The following ENG variants were observed in gnomAD, a reference collection of about 807,000 sequenced individuals.
The protein encoded by ENG is endoglin.
Under a neutral mutation model 71.0 loss-of-function variants are expected in ENG, and 17 were observed. The ratio of observed to expected loss-of-function variants is 0.24; its 90% CI spans 0.16 to 0.36. The LOEUF (loss-of-function observed/expected upper bound fraction) is 0.36. ENG is among the 10% of genes least tolerant of loss of function. ENG has a pLI of 1.00. For synonymous variants in ENG, 360 were observed against 366.9 expected (o/e 0.98, Z 0.21); for missense variants, 749 against 868.3 (o/e 0.86, Z 1.73).
chr9:127,834,981 T>C (rs756387283), intron 2 of ENG, among the ~76,000 whole-genome samples: 5 of 151,828 alleles, frequency 3.3e-5, no homozygotes, highest in South Asian at 4.1e-4. Flanking sequence ...GTTTCATCAG[T>C]TTTGAATAAA....
chr9:127,839,010 AAAAGCC>A (rs1830967629), intron 2 of ENG, among the ~76,000 whole-genome samples: 1 of 152,102 alleles, frequency 6.6e-6, no homozygotes, highest in Non-Finnish European at 1.5e-5. Flanking sequence ...GCTGGCTGCT[AAAAGCC>A]ACCACCCCCA....
chr9:127,833,422 G>A (rs546577985), intron 2 of ENG, among the ~76,000 whole-genome samples: 2 of 151,304 alleles, frequency 1.3e-5, no homozygotes, highest in South Asian at 4.2e-4. Flanking sequence ...TCGGGAGGCT[G>A]AGGCAGGAGA....
intron 8 of ENG, among the ~76,000 whole-genome samples, chr9:127,822,804 TAA>T (rs891996431): frequency 6.6e-6 from 1 of 152,182 alleles, no homozygotes; most frequent in Non-Finnish European, 1.5e-5. Flanking sequence ...GTCAGAAGGT[TAA>T]GATTTTCTAA....
intron 3 of ENG, among the ~76,000 whole-genome samples, chr9:127,828,483 C>G (rs927525878): frequency 6.6e-6 from 1 of 152,172 alleles, no homozygotes; most frequent in Non-Finnish European, 1.5e-5. Flanking sequence ...GCGGCGCGGC[C>G]GAGGCCAGAG....
rs976081447 is a variant in ENG at position 127,824,155 on chromosome 9, A to G, written c.1134+149T>C. ...TTCTCACCACGTGGTAGGTACCATT[A>G]TCAATTCCATTATACAAGTGGGAAA... On this transcript the variant is annotated intron_variant, in intron 8 of 14. Transcript: ENST00000373203. 20 of 1,116,792 alleles carry G rather than the reference A, an allele frequency of 1.8e-5. No individual in the cohort carries two copies. The African/African-American group carries it at 2.8e-4, about 15-fold the overall frequency. 69.2% of individuals were successfully genotyped at this position (1,116,792 alleles called of 1,614,324 possible).
intron 1 of ENG, among the ~76,000 whole-genome samples, chr9:127,845,141 G>A (rs939357441): frequency 4.6e-5 from 7 of 152,222 alleles, no homozygotes; most frequent in African/African-American, 1.2e-4. Context: ...ATCTTGTCGC[G>A]CTCACTTCCT....
At chr9:127,837,237 G>C (rs1362984560) in intron 2 of ENG, among the ~76,000 whole-genome samples, 2 of 152,080 alleles carry the variant, frequency 1.3e-5, no homozygotes, top group African/African-American at 2.4e-5. Flanking sequence ...GCCTCGCTGT[G>C]GCATCCTATC....
At chr9:127,818,922 G>A in intron 10 of ENG, 90 bp from the exon 11 acceptor site, 1 of 1,113,810 alleles carries the variant, frequency 9.0e-7, no homozygotes. Context: ...TCATGGCCCT[G>A]TGGAGTTGCC....
intron 8 of ENG, among the ~76,000 whole-genome samples, chr9:127,822,043 G>A (rs1048541853): frequency 2.0e-5 from 3 of 151,328 alleles, no homozygotes; most frequent in Non-Finnish European, 2.9e-5. Context: ...GAGCAAGACT[G>A]TCTCAAAGAA....
At position 127,817,833 on chromosome 9, in the gene ENG, G is replaced by A. The variant is rs1830366090; in HGVS notation, c.1686+287C>T. On this transcript the variant is annotated intron_variant, in intron 12 of 14. Transcript: ENST00000373203. ...GGGTGGTTAGATTCCTGGGTGGGAG[G>A]GTGGATGGATGGATGGACGGACGGG... 21 of 548,472 alleles carry A rather than the reference G, an allele frequency of 3.8e-5. 1 individual carries two copies. The South Asian group carries it at 4.3e-4, about 11-fold the overall frequency. The allele number at this position is 548,472 out of a possible 1,614,324, so 34.0% of individuals were successfully genotyped here.
At position 127,825,352 on chromosome 9, in the gene ENG, C is replaced by A. The variant is rs772467926; in HGVS notation, c.695G>T (p.Arg232Leu). ...RVLPGHSAGP[R>L]TVTVKVELSC... The stretch of plus-strand genomic sequence containing the variant: ...CAGTTCCACCTTCACCGTCACCGTC[C>A]GGGGCCTGCGGGGAGACAGACGCGG... Residue 232 changes from arginine (R) to leucine (L), a missense_variant, in exon 6 of 15, where the codon CGG (arginine) becomes CTG (leucine). Physicochemically the swap from Arg to Leu is moderately radical, Grantham distance 102. Transcript: ENST00000373203. The A allele has an allele frequency of 6.2e-7, 1 of 1,609,864 alleles. No individual in the cohort carries two copies. Among genetic ancestry groups the A allele is most frequent in the Non-Finnish European group, 8.5e-7 (1 of 1,179,562 alleles).
intron 2 of ENG, among the ~76,000 whole-genome samples, chr9:127,840,770 C>A (rs1189388235): frequency 6.6e-6 from 1 of 152,210 alleles, no homozygotes; most frequent in African/African-American, 2.4e-5. Flanking sequence ...CCCTCAAAGC[C>A]CTGGAGCCTG....
intron 2 of ENG, among the ~76,000 whole-genome samples, chr9:127,835,609 T>C (rs957470922): frequency 2.6e-5 from 4 of 152,138 alleles, no homozygotes; most frequent in African/African-American, 4.8e-5. Context: ...GAGTGCAGTC[T>C]GGTGGCCAAG....
Position 127,818,363 on chromosome 9 carries a change from T to A in ENG, c.1443A>T (p.Pro481=). ...ACTGGAGCAGGAACTCGGAGACGGA[T>A]GGGGACACTCTGACCTGCATGGGTA... is the stretch of plus-strand genomic sequence containing the variant. ...QQSFVQVRVS[P]SVSEFLLQLD... The change falls in exon 12 of 15, where the codon CCA becomes CCT. Residue 481 remains proline (P), a synonymous_variant. Transcript: ENST00000373203. The A allele has an allele frequency of 6.2e-7, 1 of 1,613,718 alleles. No individual in the cohort carries two copies. Among genetic ancestry groups the A allele is most frequent in the Non-Finnish European group, 8.5e-7 (1 of 1,180,008 alleles).
At position 127,842,483 on chromosome 9, in the gene ENG, G is replaced by A. The variant is rs1588596273; in HGVS notation, c.219+611C>T. 5.3e-5 allele frequency among the ~76,000 whole-genome samples: 8 copies of A among 151,638 alleles called. No homozygotes were observed. In the South Asian group the frequency reaches 1.7e-3, roughly 32 times the overall value. On this transcript the variant is annotated intron_variant, in intron 2 of 14. Coordinates refer to ENST00000373203, the MANE Select transcript of ENG (RefSeq NM_001114753.3). ...TCTGTCACCAGGCCAGAGTGCAGTG[G>A]CACAATCTCAAGCTCACTGCAACCT... is the stretch of plus-strand genomic sequence containing the variant.
intron 1 of ENG, among the ~76,000 whole-genome samples, chr9:127,853,472 G>A (rs10115613): frequency 0.77 from 117,287 of 151,926 alleles, 48,192 homozygotes; most frequent in East Asian, 1. Context: ...GCTCCTCACC[G>A]CCCCTCCTCT....
At position 127,818,236 on chromosome 9, in the gene ENG, G is replaced by A; in HGVS notation, c.1570C>T (p.Pro524Ser). ...AAGCTGAAGCGCGGGTCACCCTCGG[G>A]GCTTGGGGACAGCAGGCTCACACAG... is the stretch of plus-strand genomic sequence containing the variant. ...GNCVSLLSPS[P>S]EGDPRFSFLL... is the part of the protein sequence containing the mutation. Residue 524 changes from proline to serine, a missense_variant, in exon 12 of 15, where the codon CCC becomes TCC. Transcript: ENST00000373203. 6.2e-7 allele frequency: 1 copy of A among 1,614,204 alleles called. No individual in the cohort carries two copies. Among genetic ancestry groups the A allele is most frequent in the Non-Finnish European group, 8.5e-7 (1 of 1,180,036 alleles).
At position 127,815,623 on chromosome 9, in the gene ENG, A is replaced by G; in HGVS notation, c.*59T>C. The G allele has an allele frequency of 1.3e-6, 2 of 1,532,752 alleles. No individual in the cohort carries two copies. Among genetic ancestry groups the G allele is most frequent in the Non-Finnish European group, 8.7e-7 (1 of 1,145,772 alleles). The allele number at this position is 1,532,752 out of a possible 1,614,324, so 94.9% of individuals were successfully genotyped here. The stretch of plus-strand genomic sequence containing the variant: ...CTGGCTCCCAGGGTGAGTTCACACC[A>G]GTGCTCCCAGCTGGCGGCTGCTCAG... On this transcript the variant is annotated 3_prime_UTR_variant, in exon 15 of 15. Transcript: ENST00000373203.
chr9:127,851,096 GT>G (rs1298930402), intron 1 of ENG, among the ~76,000 whole-genome samples: 4 of 152,058 alleles, frequency 2.6e-5, no homozygotes, highest in Non-Finnish European at 4.4e-5. Context: ...CATACTAACG[GT>G]ACCTGTATCA....
Sources: gnomAD v4.1 joint callset for allele counts (sites outside exome capture counted in the v4.1 genomes callset) on GRCh38, gnomAD v4.1.1 for gene constraint, MANE v1.5 for transcripts, NCBI Gene and HGNC (gene_info 2026-07-23, HGNC 2026-07-21) for gene names.